Variants in UBR3 observed in about 807,000 individuals in gnomAD.
UBR3 encodes E3 ubiquitin-protein ligase UBR3.
A neutral mutation model predicts 243.2 loss-of-function variants in UBR3; 85 were observed. The ratio of observed to expected loss-of-function variants is 0.35; its 90% CI spans 0.29 to 0.42. The LOEUF (loss-of-function observed/expected upper bound fraction) is 0.42. Ranked by LOEUF, UBR3 falls within the 10% of genes least tolerant of loss-of-function variation. The probability of loss-of-function intolerance (pLI) is 1.00; values close to 1 mark genes in which losing one functional copy is unlikely to be tolerated. For missense variants in UBR3, 1,686 were observed against 2,300.8 expected, an observed-to-expected ratio of 0.73 and a Z score of 5.47; for synonymous variants, 748 against 799.8, an observed-to-expected ratio of 0.94 and a Z score of 1.09.
intron 30 of UBR3, among the ~76,000 whole-genome samples, chr2:170,021,356 G>C (rs1410729984): frequency 6.6e-6 from 1 of 152,096 alleles, no homozygotes; most frequent in African/African-American, 2.4e-5. Context: ...AGATCTGGAG[G>C]CTGGGAAGTC....
intron 1 of UBR3, among the ~76,000 whole-genome samples, chr2:169,859,410 G>C (rs568339668): frequency 4.6e-5 from 7 of 151,992 alleles, no homozygotes; most frequent in Non-Finnish European, 1.0e-4. Flanking sequence ...TCTGTTTGGG[G>C]TTTGAGTATT....
chr2:169,971,837 A>T (rs1424781491), intron 24 of UBR3, among the ~76,000 whole-genome samples: 1 of 152,152 alleles, frequency 6.6e-6, no homozygotes, highest in Non-Finnish European at 1.5e-5. Flanking sequence ...TGACACCCTA[A>T]CATTCACAAT....
At chr2:169,974,473 C>T (rs768107399) in intron 24 of UBR3, among the ~76,000 whole-genome samples, 10 of 152,100 alleles carry the variant, frequency 6.6e-5, no homozygotes, top group Admixed American at 1.3e-4. Flanking sequence ...ATAATAGTCT[C>T]TAATGACCCT....
At chr2:169,901,760 A>G (rs2105331262) in intron 8 of UBR3, among the ~76,000 whole-genome samples, 1 of 152,290 alleles carries the variant, frequency 6.6e-6, no homozygotes, top group Middle Eastern at 3.4e-3. Context: ...TTTATATTCA[A>G]TTTTATACCA....
intron 18 of UBR3, among the ~76,000 whole-genome samples, chr2:169,932,283 G>T (rs998268491): frequency 6.6e-6 from 1 of 151,990 alleles, no homozygotes; most frequent in Non-Finnish European, 1.5e-5. Flanking sequence ...TCACCATGAT[G>T]GCCAGGCTTG....
chr2:169,857,625 C>T (rs180710420), intron 1 of UBR3, among the ~76,000 whole-genome samples: 13 of 151,656 alleles, frequency 8.6e-5, no homozygotes, highest in African/African-American at 2.4e-4. Context: ...TGGGGTTTCA[C>T]CATGTTGGCT....
chr2:169,872,446 T>A (rs1264496369), intron 2 of UBR3, 71 bp downstream of exon 2: 2 of 1,133,356 alleles, frequency 1.8e-6, no homozygotes, highest in Non-Finnish European at 2.4e-6. Flanking sequence ...GTATTAATTA[T>A]GAGGTGAATT....
intron 24 of UBR3, among the ~76,000 whole-genome samples, chr2:169,985,111 C>A (rs1317756848): frequency 2.0e-5 from 3 of 151,798 alleles, no homozygotes; most frequent in African/African-American, 7.3e-5. Flanking sequence ...TGTACTTTGT[C>A]AGGTATCTCT....
At chr2:169,995,287 T>G (rs2089438911) in intron 26 of UBR3, among the ~76,000 whole-genome samples, 1 of 152,192 alleles carries the variant, frequency 6.6e-6, no homozygotes, top group African/African-American at 2.4e-5. Flanking sequence ...ATTCCTTAAT[T>G]TAACCCATCA....
chr2:169,921,607 C>T (rs545878600), intron 11 of UBR3, among the ~76,000 whole-genome samples: 2 of 152,274 alleles, frequency 1.3e-5, no homozygotes, highest in South Asian at 4.1e-4. Context: ...AGCTACTAAA[C>T]TCTTTATTAT....
chr2:169,853,744 C>T (rs2082741388), intron 1 of UBR3, among the ~76,000 whole-genome samples: 1 of 151,602 alleles, frequency 6.6e-6, no homozygotes, highest in African/African-American at 2.4e-5. Flanking sequence ...GCCATCGCCC[C>T]TGGCCCATTT....
At chr2:169,856,208 G>T (rs1256153241) in intron 1 of UBR3, among the ~76,000 whole-genome samples, 13 of 151,978 alleles carry the variant, frequency 8.6e-5, no homozygotes, top group African/African-American at 2.7e-4. Flanking sequence ...TCGCGGCCGG[G>T]CAGAGGCGCT....
intron 25 of UBR3, among the ~76,000 whole-genome samples, chr2:169,988,795 A>T (rs1346579971): frequency 6.6e-6 from 1 of 152,124 alleles, no homozygotes; most frequent in Non-Finnish European, 1.5e-5. Context: ...CCCTATCTTT[A>T]AAAAAATTAA....
rs1210577085 is a variant in UBR3, at chr2:169,986,899, T to C, written c.3784+105T>C. 9 of 1,250,168 alleles carry C rather than the reference T, an allele frequency of 7.2e-6. No homozygotes were observed. The African/African-American group carries it at 9.2e-5, about 13-fold the overall frequency. The allele number at this position is 1,250,168 out of a possible 1,614,324, so 77.4% of individuals were successfully genotyped here. On this transcript the variant is annotated intron_variant, in intron 25 of 38. Coordinates refer to ENST00000272793, the MANE Select transcript of UBR3 (RefSeq NM_172070.4). The stretch of plus-strand genomic sequence containing the variant: ...TGAAAATTATATCTTTGTCTACTTA[T>C]AACTAGGCAAGGGTCAGTTTAGATC...
intron 30 of UBR3, among the ~76,000 whole-genome samples, chr2:170,022,067 G>T (rs1395355207): frequency 6.6e-6 from 1 of 152,144 alleles, no homozygotes; most frequent in Admixed American, 6.5e-5. Context: ...TTAGTAAAGA[G>T]GAAGTTAGGA....
intron 35 of UBR3, among the ~76,000 whole-genome samples, chr2:170,064,623 A>G (rs1477943142): frequency 6.6e-6 from 1 of 151,940 alleles, no homozygotes; most frequent in African/African-American, 2.4e-5. Context: ...GAAATAATGT[A>G]ACTTTTTTGG....
In UBR3 at chr2:170,052,548, C is replaced by T. The variant is rs80277364; in HGVS notation, c.4661-2912C>T. Among the ~76,000 whole-genome samples the T allele has an allele frequency of 2.4e-3, 361 of 152,294 alleles. 1 individual carries two copies. Among genetic ancestry groups the T allele is most frequent in the African/African-American group, 8.2e-3 (341 of 41,574 alleles). ...AAGAAGGAAATCTTGCCATTTGCGA[C>T]AGCATGGATGAACCCATAGGACATT... On this transcript the variant is annotated intron_variant, in intron 32 of 38. Coordinates refer to ENST00000272793, the MANE Select transcript of UBR3 (RefSeq NM_172070.4).
intron 8 of UBR3, among the ~76,000 whole-genome samples, chr2:169,899,113 G>A (rs974891380): frequency 6.6e-6 from 1 of 151,926 alleles, no homozygotes; most frequent in Non-Finnish European, 1.5e-5. Flanking sequence ...CGAGTAGCTG[G>A]GACTACAGGC....
chr2:169,964,947 G>C (rs562533931), intron 24 of UBR3: 1 of 456,960 alleles, frequency 2.2e-6, no homozygotes, highest in African/African-American at 2.0e-5. Context: ...CTCGGTTCTT[G>C]TATGCTGCAG....
Sources: gnomAD v4.1 joint callset for allele counts (sites outside exome capture counted in the v4.1 genomes callset) on GRCh38, gnomAD v4.1.1 for gene constraint, MANE v1.5 for transcripts, NCBI Gene and HGNC (gene_info 2026-07-23, HGNC 2026-07-21) for gene names.